ABTB2: variants seen among roughly 807,000 people sequenced by gnomAD.
The protein encoded by ABTB2 is ankyrin repeat and BTB domain containing 2.
A neutral mutation model predicts 104.1 loss-of-function variants in ABTB2; 56 were observed. The ratio of observed to expected loss-of-function variants is 0.54; its 90% CI spans 0.43 to 0.67. The LOEUF (loss-of-function observed/expected upper bound fraction) is 0.67, where lower values mean the gene tolerates loss of function less well. Ranked by LOEUF, ABTB2 falls within the 30% of genes least tolerant of loss-of-function variation. The pLI, the probability that ABTB2 is intolerant of heterozygous loss-of-function variation, is 0.00. For missense variants in ABTB2, 1,279 were observed against 1,407.7 expected, an observed-to-expected ratio of 0.91 and a Z score of 1.46; for synonymous variants, 606 against 608.2, an observed-to-expected ratio of 1.00 and a Z score of 0.05.
At chr11:34,219,709 T>G (rs1234917763) in intron 1 of ABTB2, among the ~76,000 whole-genome samples, 1 of 152,252 alleles carries the variant, frequency 6.6e-6, no homozygotes, top group East Asian at 1.9e-4. Flanking sequence ...TGTCCAGGTT[T>G]ATAGCCCAGG....
intron 1 of ABTB2, among the ~76,000 whole-genome samples, chr11:34,326,203 G>A (rs979014059): frequency 1.4e-4 from 22 of 152,086 alleles, no homozygotes; most frequent in African/African-American, 5.3e-4. Context: ...TAAACATCTA[G>A]GAAAATACCG....
chr11:34,179,092 A>C (rs569939033), intron 3 of ABTB2, among the ~76,000 whole-genome samples: 1 of 151,914 alleles, frequency 6.6e-6, no homozygotes, highest in African/African-American at 2.4e-5. Context: ...AAAAAAAAAA[A>C]AAAAAAAATT....
intron 1 of ABTB2, among the ~76,000 whole-genome samples, chr11:34,284,402 A>G (rs866113949): frequency 3.3e-5 from 5 of 152,224 alleles, no homozygotes; most frequent in South Asian, 2.1e-4. Context: ...ATTGGCCCCA[A>G]TGTCTGAGCT....
intron 1 of ABTB2, among the ~76,000 whole-genome samples, chr11:34,218,978 G>A (rs1412922306): frequency 1.3e-5 from 2 of 151,846 alleles, no homozygotes; most frequent in Non-Finnish European, 2.9e-5. Context: ...ATTTGTCTAG[G>A]GAAATTTACC....
At chr11:34,283,142 T>A (rs1192698911) in intron 1 of ABTB2, among the ~76,000 whole-genome samples, 1 of 149,542 alleles carries the variant, frequency 6.7e-6, no homozygotes, top group Non-Finnish European at 1.5e-5. Flanking sequence ...ACATTCTCGA[T>A]CTCCTGACCT....
At chr11:34,223,434 C>T (rs557144751) in intron 1 of ABTB2, among the ~76,000 whole-genome samples, 4 of 152,214 alleles carry the variant, frequency 2.6e-5, no homozygotes, top group Non-Finnish European at 5.9e-5. Flanking sequence ...GTCTCCCCTG[C>T]GCCACCCCAT....
intron 13 of ABTB2, 52 bp downstream of exon 13, chr11:34,159,854 C>T (rs1325191595): frequency 4.2e-6 from 6 of 1,434,018 alleles, no homozygotes; most frequent in East Asian, 4.5e-5. Flanking sequence ...GAATCTGAAA[C>T]AAGGTGCTTC....
chr11:34,172,439 TAGATAGATAGATAGATAG>T (rs1565131700), intron 4 of ABTB2, among the ~76,000 whole-genome samples: 1 of 90,830 alleles, frequency 1.1e-5, no homozygotes, highest in Non-Finnish European at 2.3e-5. Context: ...TGTGTGTATA[TAGATAGATAGATAGATAG>T]ATAGATAGAT....
intron 1 of ABTB2, among the ~76,000 whole-genome samples, chr11:34,331,923 G>C (rs1436248747): frequency 2.0e-5 from 3 of 152,220 alleles, no homozygotes; most frequent in Non-Finnish European, 4.4e-5. Context: ...TTCCTGGTGA[G>C]AGTCCCAAGG....
Position 34,152,268 on chromosome 11 carries a change from G to T in ABTB2, c.*119C>A, listed in dbSNP as rs1852552753. The T allele has an allele frequency of 1.2e-5, 13 of 1,128,030 alleles. No individual in the cohort carries two copies. Among genetic ancestry groups the T allele is most frequent in the Non-Finnish European group, 7.4e-6 (6 of 805,754 alleles). 69.9% of individuals were successfully genotyped at this position (1,128,030 alleles called of 1,614,324 possible). On this transcript the variant is annotated 3_prime_UTR_variant, in exon 17 of 17. Coordinates refer to ENST00000435224, the MANE Select transcript of ABTB2 (RefSeq NM_145804.3). ...TGCCCGGTGACAGGGGGGACATCTG[G>T]GGGAGGAGGAGGAAACAGCCCCGTG...
chr11:34,202,699 G>A (rs1853359142), intron 2 of ABTB2, among the ~76,000 whole-genome samples: 1 of 152,112 alleles, frequency 6.6e-6, no homozygotes, highest in Non-Finnish European at 1.5e-5. Context: ...AATTAGCTAG[G>A]TGTGGTAGTG....
chr11:34,293,321 G>GGGCTGAGGGCAGCGTCCT (rs927426865), intron 1 of ABTB2, among the ~76,000 whole-genome samples: 1 of 152,074 alleles, frequency 6.6e-6, no homozygotes, highest in Non-Finnish European at 1.5e-5. Flanking sequence ...AGGAGAGTTG[G>GGGCTGAGGGCAGCGTCCT]GGCTGAGGGC....
At chr11:34,271,724 C>A (rs1287761990) in intron 1 of ABTB2, among the ~76,000 whole-genome samples, 1 of 151,124 alleles carries the variant, frequency 6.6e-6, no homozygotes, top group Non-Finnish European at 1.5e-5. Context: ...CAGAGTGAGA[C>A]CCTATCTCAA....
intron 3 of ABTB2, among the ~76,000 whole-genome samples, chr11:34,179,243 T>G (rs976012903): frequency 1.3e-5 from 2 of 152,226 alleles, no homozygotes; most frequent in Admixed American, 1.3e-4. Flanking sequence ...GACATCATGA[T>G]ATCACACAGC....
At chr11:34,166,034 C>T (rs181379297) in intron 7 of ABTB2, among the ~76,000 whole-genome samples, 123 of 152,348 alleles carry the variant, frequency 8.1e-4, no homozygotes, top group African/African-American at 2.5e-3. Context: ...CCAGATGAGC[C>T]GGTCCTGGCT....
In ABTB2 at chr11:34,329,850, C is replaced by T. The variant is rs1292065670; in HGVS notation, c.883+26851G>A. On this transcript the variant is annotated intron_variant, in intron 1 of 16. Coordinates refer to ENST00000435224, the MANE Select transcript of ABTB2 (RefSeq NM_145804.3). ...CCAGTAAATTCAACTGTGTCTGTAG[C>T]CTGCAGAGTCCTGACACTGAAATGG... 5.3e-5 allele frequency among the ~76,000 whole-genome samples: 8 copies of T among 152,328 alleles called. No individual in the cohort carries two copies. The East Asian group carries it at 1.5e-3, about 29-fold the overall frequency.
intron 3 of ABTB2, among the ~76,000 whole-genome samples, chr11:34,178,417 G>A (rs1434727556): frequency 6.6e-6 from 1 of 152,202 alleles, no homozygotes; most frequent in African/African-American, 2.4e-5. Flanking sequence ...GAGATGAGCT[G>A]GACCTGCATG....
chr11:34,294,927 G>C (rs898004150), intron 1 of ABTB2, among the ~76,000 whole-genome samples: 1 of 151,864 alleles, frequency 6.6e-6, no homozygotes, highest in Non-Finnish European at 1.5e-5. Context: ...TGTTGGCCAG[G>C]CTGGTCTCAA....
At chr11:34,225,754 T>C (rs1853678318) in intron 1 of ABTB2, among the ~76,000 whole-genome samples, 1 of 151,372 alleles carries the variant, frequency 6.6e-6, no homozygotes, top group South Asian at 2.1e-4. Context: ...AAACTCCACC[T>C]CAAAAATAAA....
Sources: gnomAD v4.1 joint callset for allele counts (sites outside exome capture counted in the v4.1 genomes callset) on GRCh38, gnomAD v4.1.1 for gene constraint, MANE v1.5 for transcripts, NCBI Gene and HGNC (gene_info 2026-07-23, HGNC 2026-07-21) for gene names.